Variants in MPRIP observed in about 807,000 individuals in gnomAD.
MPRIP encodes the protein myosin phosphatase Rho interacting protein.
Under a neutral mutation model 234.9 loss-of-function variants are expected in MPRIP, and 59 were observed. The observed-to-expected ratio is 0.25, with a 90% CI of 0.20 to 0.31. The LOEUF (loss-of-function observed/expected upper bound fraction) is 0.31. Among genes scored for constraint, MPRIP ranks in the 10% least tolerant of loss-of-function variants. The pLI, the probability that MPRIP is intolerant of heterozygous loss-of-function variation, is 1.00. For missense variants in MPRIP, 2,436 were observed against 3,071.0 expected (o/e 0.79, Z 4.89); for synonymous variants, 1,144 against 1,263.9 (o/e 0.91, Z 2.01).
At position 17,164,252 on chromosome 17, in the gene MPRIP, G is replaced by A. The variant is rs1370689759; in HGVS notation, c.2661G>A (p.Glu887=). The change falls in exon 16 of 24, where the codon GAG becomes GAA. Residue 887 remains glutamate (E), a synonymous_variant. Transcript: ENST00000651222. ...QIQTLKRSYG[E]AKDTIRHHEA... is the part of the protein sequence containing the mutation. ...AGACCCTGAAGCGTAGCTATGGGGA[G>A]GCCAAGGACACGATCCGGCACCACG... 1 of 1,304,212 alleles carries A rather than the reference G, an allele frequency of 7.7e-7. No homozygotes were observed. The highest frequency in any genetic ancestry group is 1.0e-6 in the Non-Finnish European group (1 of 989,000). The allele number at this position is 1,304,212 out of a possible 1,614,324, so 80.8% of individuals were successfully genotyped here.
At chr17:17,111,568 G>A (rs988531148) in intron 3 of MPRIP, among the ~76,000 whole-genome samples, 6 of 152,218 alleles carry the variant, frequency 3.9e-5, no homozygotes, top group South Asian at 2.1e-4. Flanking sequence ...ACCTGGCAAC[G>A]GGTGGCCCCT....
At position 17,078,160 on chromosome 17, in the gene MPRIP, C is replaced by G. The variant is rs1246731582; in HGVS notation, c.267+84C>G. On this transcript the variant is annotated intron_variant, in intron 3 of 23. Coordinates refer to ENST00000651222, the MANE Select transcript of MPRIP (RefSeq NM_001364716.4). This position sits in a 1 kb window ranked among gnomAD's most constrained non-coding sequence, Gnocchi z 4.3. Reference sequence around the variant, plus strand: ...GTGCCCTTGCGTTGTCATGTGAGAGCACAGCAGCCATGTGCTCCTGCTTGT... The same window carrying G: ...GTGCCCTTGCGTTGTCATGTGAGAGGACAGCAGCCATGTGCTCCTGCTTGT... The G allele has an allele frequency of 7.2e-7, 1 of 1,387,836 alleles. No homozygotes were observed. Among genetic ancestry groups the G allele is most frequent in the East Asian group, 2.3e-5 (1 of 43,464 alleles). The allele number at this position is 1,387,836 out of a possible 1,614,324, so 86.0% of individuals were successfully genotyped here.
chr17:17,109,554 C>A (rs368385329), intron 3 of MPRIP, among the ~76,000 whole-genome samples: 3 of 152,174 alleles, frequency 2.0e-5, no homozygotes, highest in Admixed American at 6.5e-5. Context: ...AATAAAGATA[C>A]ATAAGGATAC....
At chr17:17,159,198 A>AT (rs1401128948) in intron 14 of MPRIP, among the ~76,000 whole-genome samples, 196 bp downstream of exon 14, 1 of 152,228 alleles carries the variant, frequency 6.6e-6, no homozygotes, top group African/African-American at 2.4e-5. Flanking sequence ...GTGCCAGTGC[A>AT]TGCAGGGCAG....
At chr17:17,127,376 T>C (rs1276605235) in intron 4 of MPRIP, among the ~76,000 whole-genome samples, 3 of 152,266 alleles carry the variant, frequency 2.0e-5, no homozygotes, top group Non-Finnish European at 4.4e-5. Context: ...GATTGGTTTC[T>C]GTGAGTGGAG....
At chr17:17,050,824 G>C (rs1229781439) in intron 1 of MPRIP, among the ~76,000 whole-genome samples, 1 of 152,242 alleles carries the variant, frequency 6.6e-6, no homozygotes, top group African/African-American at 2.4e-5. Context: ...GTCCTGTGGG[G>C]AGCCGGTGAG....
chr17:17,145,171 T>C (rs1435407000), intron 9 of MPRIP, among the ~76,000 whole-genome samples: 1 of 152,212 alleles, frequency 6.6e-6, no homozygotes, highest in Non-Finnish European at 1.5e-5. Context: ...GGTTCCTTCC[T>C]CACTCCTCAG....
chr17:17,180,712 C>T, intron 23 of MPRIP: 1 of 1,534,944 alleles, frequency 6.5e-7, no homozygotes. Context: ...GCTCACACCC[C>T]CATGGCAAAC....
chr17:17,156,202 G>A (rs778946839), intron 13 of MPRIP, among the ~76,000 whole-genome samples: 1 of 152,236 alleles, frequency 6.6e-6, no homozygotes, highest in Non-Finnish European at 1.5e-5. Flanking sequence ...CTGTGCACAT[G>A]CCTGTGCCTG....
intron 22 of MPRIP, chr17:17,179,474 A>AAAC (rs1411868162): frequency 6.6e-6 from 1 of 152,220 alleles, no homozygotes; most frequent in Non-Finnish European, 1.5e-5. Context: ...AAGCAAAACA[A>AAAC]AAAACCCCAC....
At chr17:17,153,245 A>G (rs2045643297) in intron 12 of MPRIP, among the ~76,000 whole-genome samples, 1 of 151,936 alleles carries the variant, frequency 6.6e-6, no homozygotes, top group African/African-American at 2.4e-5. Context: ...CCGGTGCGTG[A>G]TCTCCTGTTT....
chr17:17,118,354 C>G (rs1455436949), intron 3 of MPRIP, among the ~76,000 whole-genome samples: 1 of 152,234 alleles, frequency 6.6e-6, no homozygotes, highest in Non-Finnish European at 1.5e-5. Flanking sequence ...GGTTGCAGGA[C>G]CCTCTCTGGG....
At chr17:17,171,394 G>T in intron 16 of MPRIP, 1 of 255,762 alleles carries the variant, frequency 3.9e-6, no homozygotes. Flanking sequence ...GAAGGTCCAG[G>T]GTTGGCTGGT....
intron 5 of MPRIP, among the ~76,000 whole-genome samples, chr17:17,132,633 CCCCTTGGGCTG>C (rs1391204314): frequency 1.3e-5 from 2 of 152,210 alleles, no homozygotes; most frequent in Non-Finnish European, 2.9e-5. Context: ...CTCTCCTCAG[CCCCTTGGGCTG>C]CCCTTGGATA....
At chr17:17,051,754 G>A (rs1035564160) in intron 1 of MPRIP, among the ~76,000 whole-genome samples, 20 of 152,238 alleles carry the variant, frequency 1.3e-4, no homozygotes, top group Admixed American at 1.3e-3. Context: ...CTGACATTTT[G>A]TCTCTGGAAG....
At chr17:17,081,515 A>G (rs2089461842) in intron 3 of MPRIP, among the ~76,000 whole-genome samples, 1 of 151,960 alleles carries the variant, frequency 6.6e-6, no homozygotes, top group Non-Finnish European at 1.5e-5. Flanking sequence ...AAGGGAGAAA[A>G]CCTCCCAAGA....
rs760079715 is a variant in MPRIP, at chr17:17,167,337, C to T, written c.5746C>T (p.Leu1916Phe). Reference protein sequence around the residue: ...IAIVERENAELKAKAAQLDHQ... With the variant: ...IAIVERENAEFKAKAAQLDHQ... ...CATTGTTGAAAGGGAGAATGCAGAG[C>T]TCAAGGCCAAGGCCGCCCAGCTAGA... The change falls in exon 16 of 24, where the codon CTC becomes TTC. Residue 1916 changes from leucine to phenylalanine, a missense_variant. Coordinates refer to ENST00000651222, the MANE Select transcript of MPRIP (RefSeq NM_001364716.4). This position sits in a 1 kb window ranked among gnomAD's most constrained non-coding sequence, Gnocchi z 5.9. 7.7e-7 allele frequency: 1 copy of T among 1,304,140 alleles called. No homozygotes were observed. 80.8% of individuals were successfully genotyped at this position (1,304,140 alleles called of 1,614,324 possible). A position where few individuals can be genotyped will look rare whatever the true frequency, so the allele number is the denominator to read the frequency against.
At chr17:17,134,722 G>T (rs1300719187) in intron 5 of MPRIP, among the ~76,000 whole-genome samples, 6 of 152,234 alleles carry the variant, frequency 3.9e-5, no homozygotes, top group Non-Finnish European at 7.3e-5. Context: ...TCTGGAGCAC[G>T]TGGTGGAAAC....
In MPRIP at chr17:17,165,408, C is replaced by T. The variant is rs766587934; in HGVS notation, c.3817C>T (p.Pro1273Ser). Residue 1273 changes from proline to serine, a missense_variant, in exon 16 of 24, where the codon CCT becomes TCT. Coordinates refer to ENST00000651222, the MANE Select transcript of MPRIP (RefSeq NM_001364716.4). Reference protein sequence around the residue: ...LEDEDEDLGAPPGEEYGDGSP... With the variant: ...LEDEDEDLGASPGEEYGDGSP... ...GGATGAGGACGAGGACCTGGGGGCT[C>T]CTCCGGGGGAAGAGTACGGTGATGG... 6.1e-6 allele frequency: 8 copies of T among 1,304,184 alleles called. No individual in the cohort carries two copies. Among genetic ancestry groups the T allele is most frequent in the South Asian group, 4.9e-5 (4 of 81,028 alleles). 80.8% of individuals were successfully genotyped at this position (1,304,184 alleles called of 1,614,324 possible).
Sources: allele counts gnomAD v4.1 joint callset (sites outside exome capture counted in the v4.1 genomes callset), GRCh38; gene constraint gnomAD v4.1.1; non-coding constraint Gnocchi (gnomAD v3.1); transcripts MANE v1.5; gene names NCBI Gene and HGNC (gene_info 2026-07-23, HGNC 2026-07-21).